TRAPPC9: variants seen among roughly 807,000 people sequenced by gnomAD.
TRAPPC9 encodes the protein trafficking protein particle complex subunit 9.
TRAPPC9 carries 83 observed loss-of-function variants against 124.0 expected under a neutral mutation model. That is an observed-to-expected ratio of 0.67 (90% CI 0.56 to 0.80). The LOEUF (loss-of-function observed/expected upper bound fraction) is 0.80, where lower values mean the gene tolerates loss of function less well. Ranked by LOEUF, TRAPPC9 falls within the 30% of genes least tolerant of loss-of-function variation. The probability of loss-of-function intolerance (pLI) is 0.00; values close to 1 mark genes in which losing one functional copy is unlikely to be tolerated. For synonymous variants in TRAPPC9, 638 were observed against 617.5 expected, an observed-to-expected ratio of 1.03 and a Z score of -0.49; for missense variants, 1,302 against 1,508.3, an observed-to-expected ratio of 0.86 and a Z score of 2.27.
At chr8:139,947,267 C>T (rs1460800462) in intron 19 of TRAPPC9, among the ~76,000 whole-genome samples, 5 of 152,146 alleles carry the variant, frequency 3.3e-5, no homozygotes, top group African/African-American at 9.7e-5. Context: ...GGGATTCCCA[C>T]CATTTTCATA....
chr8:140,446,664 T>C (rs2071271494), intron 2 of TRAPPC9, among the ~76,000 whole-genome samples: 1 of 152,076 alleles, frequency 6.6e-6, no homozygotes, highest in East Asian at 1.9e-4. Context: ...AGTAATTCTC[T>C]TGCCTCAGCC....
At chr8:139,974,139 C>T (rs896896856) in intron 19 of TRAPPC9, among the ~76,000 whole-genome samples, 4 of 152,164 alleles carry the variant, frequency 2.6e-5, no homozygotes, top group Non-Finnish European at 5.9e-5. Flanking sequence ...CCTGTGCCTG[C>T]CACGGTTGAA....
intron 21 of TRAPPC9, among the ~76,000 whole-genome samples, chr8:139,774,511 G>A (rs1321522147): frequency 6.6e-6 from 1 of 152,166 alleles, no homozygotes; most frequent in East Asian, 1.9e-4. Flanking sequence ...CCACTCACAA[G>A]CATCACTGCC....
chr8:140,434,235 TTTCA>T (rs2070739500), intron 4 of TRAPPC9, among the ~76,000 whole-genome samples: 1 of 152,220 alleles, frequency 6.6e-6, no homozygotes, highest in Admixed American at 6.5e-5. Flanking sequence ...AAATCCCTGC[TTTCA>T]TTATTTTGTT....
intron 18 of TRAPPC9, among the ~76,000 whole-genome samples, chr8:140,000,645 T>C (rs1363017611): frequency 1.3e-5 from 2 of 152,202 alleles, no homozygotes; most frequent in Non-Finnish European, 1.5e-5. Context: ...TCACCATCAC[T>C]GGTCATCAGA....
chr8:140,291,147 C>T lies in TRAPPC9; in HGVS notation c.1769-69G>A, dbSNP rs184244699. 2.6e-4 allele frequency: 366 copies of T among 1,398,886 alleles called. 4 individuals carry two copies. In the East Asian group the frequency reaches 8.3e-3, roughly 32 times the overall value. 86.7% of individuals were successfully genotyped at this position (1,398,886 alleles called of 1,614,324 possible). Reference sequence around the variant, plus strand: ...ATTTTTTCACTTTCTACATGGTTTCCAATTATTCCTCTGGCAATTTACATT... The same window carrying T: ...ATTTTTTCACTTTCTACATGGTTTCTAATTATTCCTCTGGCAATTTACATT... On this transcript the variant is annotated intron_variant, in intron 11 of 22. Transcript: ENST00000438773.
intron 21 of TRAPPC9, among the ~76,000 whole-genome samples, chr8:139,882,707 C>T (rs9644443): frequency 0.36 from 55,353 of 152,068 alleles, 11,368 homozygotes; most frequent in South Asian, 0.53. Flanking sequence ...AACAATAGTG[C>T]ATGGTAGCAG....
At chr8:140,300,094 T>C (rs1047142320) in intron 11 of TRAPPC9, among the ~76,000 whole-genome samples, 10 of 152,228 alleles carry the variant, frequency 6.6e-5, no homozygotes, top group Non-Finnish European at 1.0e-4. Context: ...ATGAAATAAA[T>C]TTTTTAAAAT....
At chr8:139,828,168 C>T (rs994889843) in intron 21 of TRAPPC9, among the ~76,000 whole-genome samples, 1 of 152,186 alleles carries the variant, frequency 6.6e-6, no homozygotes. Context: ...GGGCTGTGTT[C>T]CCCTCACTCC....
chr8:140,119,370 C>T (rs2060945312), intron 17 of TRAPPC9, among the ~76,000 whole-genome samples: 1 of 152,224 alleles, frequency 6.6e-6, no homozygotes. Context: ...GCCCCTCAAG[C>T]AGTTCCTCCC....
intron 5 of TRAPPC9, among the ~76,000 whole-genome samples, chr8:140,414,974 AAATGATCT>A (rs1436491440): frequency 1.3e-5 from 2 of 152,080 alleles, no homozygotes; most frequent in East Asian, 3.9e-4. Context: ...TCCTGACCTC[AAATGATCT>A]GCCTGCCTCA....
At chr8:140,239,825 C>T (rs2131423084) in intron 16 of TRAPPC9, among the ~76,000 whole-genome samples, 1 of 152,304 alleles carries the variant, frequency 6.6e-6, no homozygotes, top group East Asian at 1.9e-4. Context: ...ATTAAGATTC[C>T]AATCACCTTT....
intron 17 of TRAPPC9, among the ~76,000 whole-genome samples, chr8:140,190,184 G>A (rs751251446): frequency 2.2e-4 from 33 of 152,162 alleles, no homozygotes; most frequent in Non-Finnish European, 4.1e-4. Flanking sequence ...GGCCAGGCGC[G>A]GTAGCTCACG....
intron 19 of TRAPPC9, among the ~76,000 whole-genome samples, chr8:139,940,795 A>T (rs1427061317): frequency 1.3e-5 from 2 of 152,346 alleles, no homozygotes; most frequent in East Asian, 1.9e-4. Context: ...TTAGGAGCCA[A>T]CCACAGCAGA....
rs80124361 is a variant in TRAPPC9 at position 139,975,805 on chromosome 8, C to T, written c.2810+12921G>A. ...CTCTTCATGTCACCTGTCAGCCCAT[C>T]CACTGACATCCCCATCAGCTGCTCT... is the stretch of plus-strand genomic sequence containing the variant. On this transcript the variant is annotated intron_variant, in intron 19 of 22. Coordinates refer to ENST00000438773, the MANE Select transcript of TRAPPC9 (RefSeq NM_001160372.4). Among the ~76,000 whole-genome samples, 46 of 152,272 alleles carry T rather than the reference C, an allele frequency of 3.0e-4. 1 individual carries two copies. In the East Asian group the frequency reaches 8.9e-3, roughly 29 times the overall value.
intron 21 of TRAPPC9, among the ~76,000 whole-genome samples, chr8:139,823,677 G>C (rs759417343): frequency 1.4e-4 from 22 of 152,316 alleles, no homozygotes; most frequent in Non-Finnish European, 2.8e-4. Flanking sequence ...CTTGTCTGCT[G>C]ACGGACAGTG....
intron 17 of TRAPPC9, among the ~76,000 whole-genome samples, chr8:140,030,187 T>G (rs1309088072): frequency 6.6e-6 from 1 of 152,196 alleles, no homozygotes; most frequent in East Asian, 1.9e-4. Context: ...AAACCATACT[T>G]GATGATAAGC....
At chr8:140,438,530 TC>T (rs2070896753) in intron 3 of TRAPPC9, among the ~76,000 whole-genome samples, 1 of 152,058 alleles carries the variant, frequency 6.6e-6, no homozygotes, top group South Asian at 2.1e-4. Flanking sequence ...GGGCAGGGCC[TC>T]CTTCAGAGGA....
intron 5 of TRAPPC9, among the ~76,000 whole-genome samples, chr8:140,415,330 G>C (rs1190081117): frequency 6.6e-6 from 1 of 152,032 alleles, no homozygotes; most frequent in Non-Finnish European, 1.5e-5. Context: ...AAGGTGGCCA[G>C]ATCACTTGCG....
Sources: allele counts gnomAD v4.1 joint callset (sites outside exome capture counted in the v4.1 genomes callset), GRCh38; gene constraint gnomAD v4.1.1; transcripts MANE v1.5; gene names NCBI Gene and HGNC (gene_info 2026-07-23, HGNC 2026-07-21).